PIAS1: variants seen among roughly 807,000 people sequenced by gnomAD.
PIAS1 encodes protein inhibitor of activated STAT 1.
In PIAS1, 6 loss-of-function variants were observed where a neutral mutation model predicts 71.3. That is an observed-to-expected ratio of 0.08 (90% confidence interval 0.05 to 0.17). PIAS1 has a LOEUF of 0.17. Among genes scored for constraint, PIAS1 ranks in the 10% least tolerant of loss-of-function variants. The probability of loss-of-function intolerance (pLI) is 1.00; values close to 1 mark genes in which losing one functional copy is unlikely to be tolerated. For synonymous variants in PIAS1, 303 were observed against 292.9 expected, an observed-to-expected ratio of 1.03 and a Z score of -0.35; for missense variants, 555 against 793.6, an observed-to-expected ratio of 0.70 and a Z score of 3.61.
chr15:68,183,698 A>C, intron 13 of PIAS1, 31 bp downstream of exon 13: 2 of 848,732 alleles, frequency 2.4e-6, no homozygotes, highest in Non-Finnish European at 1.9e-6. Context: ...TATTATTTTA[A>C]TTGTACATTA....
intron 2 of PIAS1, among the ~76,000 whole-genome samples, chr15:68,119,110 C>A (rs185194342): frequency 0.49 from 974 of 1,970 alleles, 7 homozygotes; most frequent in East Asian, 0.51. Flanking sequence ...CAATTAAAAA[C>A]TGGGCAGGCC....
chr15:68,068,701 C>T (rs1264868344), intron 1 of PIAS1, among the ~76,000 whole-genome samples: 3 of 151,898 alleles, frequency 2.0e-5, no homozygotes, highest in Non-Finnish European at 4.4e-5. Flanking sequence ...GTTCCACCCA[C>T]CTCAGCCTCC....
intron 2 of PIAS1, among the ~76,000 whole-genome samples, chr15:68,099,883 T>C (rs2034802387): frequency 6.6e-6 from 1 of 152,204 alleles, no homozygotes; most frequent in Admixed American, 6.5e-5. Flanking sequence ...TGACTAATGA[T>C]GTTGAACATC....
Position 68,146,632 on chromosome 15 carries a change from T to A in PIAS1, c.760T>A (p.Ser254Thr), listed in dbSNP as rs751014308. The A allele has an allele frequency of 2.5e-6, 4 of 1,613,180 alleles. No individual in the cohort carries two copies. The East Asian group carries it at 8.9e-5, about 36-fold the overall frequency. The change falls in exon 6 of 14, where the codon TCA (serine) becomes ACA (threonine). Residue 254 changes from serine (S) to threonine (T), a missense_variant. Ser to Thr is a moderately conservative substitution (Grantham distance 58, BLOSUM62 1). Coordinates refer to ENST00000249636, the MANE Select transcript of PIAS1 (RefSeq NM_016166.3). ...KRPSRPINIT[S>T]LVRLSTTVPN... ...ACCCAGCCGACCAATTAATATCACCTCACTTGTCCGACTGTCCACAACAGT... is the reference window on the plus strand; with the variant it reads ...ACCCAGCCGACCAATTAATATCACCACACTTGTCCGACTGTCCACAACAGT...
chr15:68,138,275 A>G (rs992631555), intron 2 of PIAS1, among the ~76,000 whole-genome samples: 1 of 152,160 alleles, frequency 6.6e-6, no homozygotes. Context: ...GGGGAAACAA[A>G]GACAGTAAAG....
intron 2 of PIAS1, among the ~76,000 whole-genome samples, chr15:68,101,520 G>C (rs1445899242): frequency 1.3e-5 from 2 of 151,966 alleles, no homozygotes; most frequent in African/African-American, 4.8e-5. Context: ...TGCAGTGGCT[G>C]TTCACAAGAG....
At chr15:68,083,048 C>T (rs1331484476) in intron 1 of PIAS1, among the ~76,000 whole-genome samples, 2 of 152,022 alleles carry the variant, frequency 1.3e-5, no homozygotes. Flanking sequence ...CAATTGAGGA[C>T]GTAGAGTCAG....
intron 2 of PIAS1, among the ~76,000 whole-genome samples, chr15:68,095,590 G>T (rs2092367769): frequency 1.3e-5 from 2 of 150,584 alleles, no homozygotes; most frequent in African/African-American, 4.9e-5. Context: ...GAGTGCAGTG[G>T]CATGATCTCG....
At chr15:68,155,311 G>A (rs768747308) in intron 7 of PIAS1, among the ~76,000 whole-genome samples, 1 of 152,082 alleles carries the variant, frequency 6.6e-6, no homozygotes. Context: ...CACTGGATGA[G>A]ATTTTTGTGG....
At position 68,178,776 on chromosome 15, in the gene PIAS1, A is replaced by G. The variant is rs970832879; in HGVS notation, c.1481+2122A>G. ...AATATGTATTTATGTAAACTATGCAATAGTATTACTGACTATATATTTTTT... is the reference window on the plus strand; with the variant it reads ...AATATGTATTTATGTAAACTATGCAGTAGTATTACTGACTATATATTTTTT... On this transcript the variant is annotated intron_variant, in intron 11 of 13. Coordinates refer to ENST00000249636, the MANE Select transcript of PIAS1 (RefSeq NM_016166.3). This position sits in a 1 kb window ranked among gnomAD's most constrained non-coding sequence, Gnocchi z 4.2. Among the ~76,000 whole-genome samples, 3 of 152,080 alleles carry G rather than the reference A, an allele frequency of 2.0e-5. No homozygotes were observed. Among genetic ancestry groups the G allele is most frequent in the Non-Finnish European group, 4.4e-5 (3 of 68,018 alleles).
chr15:68,114,026 T>TCA (rs2092543568), intron 2 of PIAS1, among the ~76,000 whole-genome samples: 1 of 69,708 alleles, frequency 1.4e-5, no homozygotes, highest in African/African-American at 4.2e-5. Flanking sequence ...TGCATATATT[T>TCA]CATACACACA....
chr15:68,150,092 CAT>C (rs1366419648), intron 6 of PIAS1, among the ~76,000 whole-genome samples: 2 of 151,834 alleles, frequency 1.3e-5, no homozygotes, highest in Admixed American at 6.6e-5. Context: ...TCCTTTAACT[CAT>C]ATGTCACCAT....
intron 7 of PIAS1, among the ~76,000 whole-genome samples, chr15:68,159,630 A>G (rs2092911745): frequency 6.6e-6 from 1 of 152,094 alleles, no homozygotes; most frequent in African/African-American, 2.4e-5. Flanking sequence ...TCATCCATGT[A>G]GTTTGTTCTT....
intron 2 of PIAS1, among the ~76,000 whole-genome samples, chr15:68,123,897 A>G (rs2092630510): frequency 6.6e-6 from 1 of 152,222 alleles, no homozygotes; most frequent in Non-Finnish European, 1.5e-5. Context: ...ATGTCCAAAC[A>G]TAATTATAGG....
chr15:68,181,410 T>C (rs886765024), intron 12 of PIAS1, 56 bp downstream of exon 12: 2 of 1,536,722 alleles, frequency 1.3e-6, no homozygotes, highest in Non-Finnish European at 1.8e-6. Flanking sequence ...CTTTGATCTA[T>C]ATAATTCTCT....
intron 8 of PIAS1, among the ~76,000 whole-genome samples, chr15:68,165,756 A>G (rs2092953668): frequency 6.6e-6 from 1 of 152,186 alleles, no homozygotes; most frequent in Non-Finnish European, 1.5e-5. Flanking sequence ...GAATATGGCC[A>G]TATGAAAATA....
intron 2 of PIAS1, among the ~76,000 whole-genome samples, chr15:68,121,725 C>G (rs1439945733): frequency 6.6e-6 from 1 of 152,090 alleles, no homozygotes; most frequent in East Asian, 1.9e-4. Context: ...CTACCCAGAC[C>G]TCTCTCTAAG....
intron 1 of PIAS1, among the ~76,000 whole-genome samples, chr15:68,064,321 G>T (rs1229803505): frequency 1.3e-5 from 2 of 152,204 alleles, no homozygotes; most frequent in Non-Finnish European, 2.9e-5. Context: ...CTGTGAGCTT[G>T]ACAGTTTCCC....
In PIAS1 at chr15:68,190,960, C is replaced by T. The variant is rs2093116843; in HGVS notation, c.*3125C>T. 2 of 152,196 alleles carry T rather than the reference C, an allele frequency of 1.3e-5. No homozygotes were observed. The highest frequency in any genetic ancestry group is 2.1e-4 in the South Asian group (1 of 4,834). The allele number at this position is 152,196 out of a possible 1,614,324, so 9.4% of individuals were successfully genotyped here. On this transcript the variant is annotated 3_prime_UTR_variant, in exon 14 of 14. Coordinates refer to ENST00000249636, the MANE Select transcript of PIAS1 (RefSeq NM_016166.3). The surrounding 1 kb of genome is among the most constrained non-coding windows in gnomAD (Gnocchi z 4.7). ...GAAATGGAGTGAAAATATATCCTAA[C>T]TAAATTAATGTGGAAAGAGCATTTT...
Sources: gnomAD v4.1 joint callset for allele counts (sites outside exome capture counted in the v4.1 genomes callset) on GRCh38, gnomAD v4.1.1 for gene constraint, Gnocchi (gnomAD v3.1) non-coding constraint, MANE v1.5 for transcripts, NCBI Gene and HGNC (gene_info 2026-07-23, HGNC 2026-07-21) for gene names.